TRPC3: variants seen among roughly 807,000 people sequenced by gnomAD.
The protein encoded by TRPC3 is transient receptor potential cation channel subfamily C member 3.
A neutral mutation model predicts 90.9 loss-of-function variants in TRPC3; 54 were observed. The observed-to-expected ratio is 0.59, with a 90% CI of 0.48 to 0.75. The LOEUF is 0.75. Among genes scored for constraint, TRPC3 ranks in the 30% least tolerant of loss-of-function variants. The pLI is 0.00. For missense variants in TRPC3, 918 were observed against 1,194.5 expected (o/e 0.77, Z 3.41); for synonymous variants, 424 against 450.9 (o/e 0.94, Z 0.75).
chr4:121,881,868 G>C (rs1016392739), intron 11 of TRPC3, among the ~76,000 whole-genome samples: 1 of 152,078 alleles, frequency 6.6e-6, no homozygotes, highest in African/African-American at 2.4e-5. Flanking sequence ...TTAAAGTAAG[G>C]AGGCAGGGGG....
intron 1 of TRPC3, among the ~76,000 whole-genome samples, chr4:121,934,810 A>C (rs945049172): frequency 6.6e-6 from 1 of 152,174 alleles, no homozygotes; most frequent in Non-Finnish European, 1.5e-5. Context: ...CTTCTCCCAG[A>C]TAGGGACTAA....
intron 6 of TRPC3, among the ~76,000 whole-genome samples, chr4:121,908,527 C>T (rs967437354): frequency 2.6e-5 from 4 of 152,102 alleles, no homozygotes; most frequent in Admixed American, 6.5e-5. Flanking sequence ...ACATATACTC[C>T]ATGGAATACT....
chr4:121,905,815 G>T (rs1368130788), intron 7 of TRPC3, among the ~76,000 whole-genome samples: 1 of 152,046 alleles, frequency 6.6e-6, no homozygotes, highest in Non-Finnish European at 1.5e-5. Context: ...AGGATGGAGG[G>T]TTGAATAGAA....
At chr4:121,942,849 T>C (rs1730365628) in intron 1 of TRPC3, among the ~76,000 whole-genome samples, 1 of 152,216 alleles carries the variant, frequency 6.6e-6, no homozygotes, top group African/African-American at 2.4e-5. Flanking sequence ...CCCTTAGCCA[T>C]TGCCTGCATG....
chr4:121,926,157 T>A (rs1194397044), intron 2 of TRPC3, among the ~76,000 whole-genome samples: 1 of 152,140 alleles, frequency 6.6e-6, no homozygotes, highest in African/African-American at 2.4e-5. Flanking sequence ...GCAAAAACCA[T>A]AACCTTGCAT....
chr4:121,880,022 T>A, intron 11 of TRPC3, 144 bp from the exon 12 acceptor site: 1 of 670,316 alleles, frequency 1.5e-6, no homozygotes, highest in Non-Finnish European at 2.3e-6. Flanking sequence ...TTAAAATATT[T>A]AAGAAACATC....
At chr4:121,937,088 G>T (rs1235184817) in intron 1 of TRPC3, among the ~76,000 whole-genome samples, 4 of 152,132 alleles carry the variant, frequency 2.6e-5, no homozygotes, top group African/African-American at 9.7e-5. Flanking sequence ...TCCTAACTTT[G>T]CTATCAACTC....
At chr4:121,906,238 G>A (rs566011292) in intron 7 of TRPC3, among the ~76,000 whole-genome samples, 19 of 152,258 alleles carry the variant, frequency 1.2e-4, no homozygotes, top group African/African-American at 4.3e-4. Flanking sequence ...AAACAGCAGA[G>A]ATTGCATTCA....
In TRPC3 at chr4:121,902,977, A is replaced by C; in HGVS notation, c.2338T>G (p.Phe780Val). 6.2e-7 allele frequency: 1 copy of C among 1,613,612 alleles called. No homozygotes were observed. Among genetic ancestry groups the C allele is most frequent in the Non-Finnish European group, 8.5e-7 (1 of 1,179,792 alleles). The change falls in exon 9 of 12, where the codon TTC becomes GTC. Residue 780 changes from phenylalanine to valine, a missense_variant. This residue lies in a region of TRPC3 where 121 missense variants were observed against 135.7 expected (regional missense o/e 0.89). Transcript: ENST00000379645. Reference protein sequence around the residue: ...FDDGKTLPPPFSLVPSPKSFV... With the variant: ...FDDGKTLPPPVSLVPSPKSFV... Reference sequence around the variant, plus strand: ...GATTTTGGACTAGGAACTAGACTGAAAGGTGGAGGTAATGTTTTTCCATCA... The same window carrying C: ...GATTTTGGACTAGGAACTAGACTGACAGGTGGAGGTAATGTTTTTCCATCA...
chr4:121,911,744 T>C, intron 5 of TRPC3, 133 bp downstream of exon 5: 1 of 921,434 alleles, frequency 1.1e-6, no homozygotes, highest in Non-Finnish European at 1.6e-6. Flanking sequence ...GTTATTTTGC[T>C]ATTTAGCTTA....
At chr4:121,948,672 TA>T (rs1349663965) in intron 1 of TRPC3, among the ~76,000 whole-genome samples, 2 of 152,192 alleles carry the variant, frequency 1.3e-5, no homozygotes, top group Non-Finnish European at 2.9e-5. Flanking sequence ...TAATATTCCT[TA>T]AACATGCCTG....
chr4:121,933,757 C>G (rs1730036692), intron 1 of TRPC3, among the ~76,000 whole-genome samples: 2 of 152,276 alleles, frequency 1.3e-5, no homozygotes, highest in South Asian at 4.2e-4. Flanking sequence ...ACTACAGGCA[C>G]ATGCCACTTG....
intron 10 of TRPC3, 25 bp downstream of exon 10, chr4:121,899,587 A>T: frequency 1.3e-6 from 2 of 1,583,106 alleles, no homozygotes; most frequent in Non-Finnish European, 1.7e-6. Context: ...ATAGAGATCA[A>T]GAGATACGTC....
chr4:121,939,969 G>A (rs948045715), intron 1 of TRPC3, among the ~76,000 whole-genome samples: 6 of 152,192 alleles, frequency 3.9e-5, no homozygotes, highest in Non-Finnish European at 7.3e-5. Flanking sequence ...GGTAGTTCCC[G>A]AGAGCCTGAG....
At position 121,932,303 on chromosome 4, in the gene TRPC3, C is replaced by T. The variant is rs1034094432; in HGVS notation, c.955G>A (p.Ala319Thr). Residue 319 changes from alanine to threonine, a missense_variant, in exon 2 of 12, where the codon GCC becomes ACC. Physicochemically the swap from Ala to Thr is moderately conservative, Grantham distance 58. Coordinates refer to ENST00000379645, the MANE Select transcript of TRPC3 (RefSeq NM_001130698.2). This position sits in a 1 kb window ranked among gnomAD's most constrained non-coding sequence, Gnocchi z 7.7. ...LTALELSNEL[A>T]KLANIEKEFK... ...TCCTTCTCTATGTTGGCCAGCTTGG[C>T]CAGCTCGTTGCTGAGCTCTAGGGCC... 1.8e-5 allele frequency: 29 copies of T among 1,614,036 alleles called. No individual in the cohort carries two copies. The highest frequency in any genetic ancestry group is 2.3e-5 in the Non-Finnish European group (27 of 1,180,028).
At chr4:121,894,969 T>A (rs759202507) in intron 10 of TRPC3, among the ~76,000 whole-genome samples, 19 of 152,258 alleles carry the variant, frequency 1.2e-4, no homozygotes, top group Non-Finnish European at 2.8e-4. Context: ...AAGTATTTTA[T>A]CTGACCACAA....
intron 10 of TRPC3, among the ~76,000 whole-genome samples, chr4:121,895,201 C>T (rs532738687): frequency 4.6e-5 from 7 of 151,834 alleles, no homozygotes; most frequent in Admixed American, 1.3e-4. Context: ...TAAATGCCTA[C>T]ATCCATCAAA....
In TRPC3 at chr4:121,875,249, A is replaced by C. The variant is rs1727732315; in HGVS notation, c.*4487T>G. ...AAGTAAAAGTTTATTTTGAAGCTCA[A>C]ATTTATTTTAAAACAGTGAAATGAG... On this transcript the variant is annotated 3_prime_UTR_variant, in exon 12 of 12. Transcript: ENST00000379645. Among the ~76,000 whole-genome samples, 1 of 152,184 alleles carries C rather than the reference A, an allele frequency of 6.6e-6. No homozygotes were observed. The highest frequency in any genetic ancestry group is 6.5e-5 in the Admixed American group (1 of 15,276).
rs1729018725 is a variant in TRPC3 at position 121,909,754 on chromosome 4, T to A, written c.1792+400A>T. 2.6e-5 allele frequency among the ~76,000 whole-genome samples: 4 copies of A among 152,270 alleles called. No homozygotes were observed. In the South Asian group the frequency reaches 8.3e-4, roughly 32 times the overall value. The stretch of plus-strand genomic sequence containing the variant: ...TTTGCCTGCAGAGCAGTTTGGCAAC[T>A]TTTATTATCTTATCTCCTTGAACCC... On this transcript the variant is annotated intron_variant, in intron 6 of 11. Coordinates refer to ENST00000379645, the MANE Select transcript of TRPC3 (RefSeq NM_001130698.2).
Sources: gnomAD v4.1 joint callset for allele counts (sites outside exome capture counted in the v4.1 genomes callset) on GRCh38, gnomAD v4.1.1 for gene constraint, gnomAD v4.1.1 regional missense constraint, Gnocchi (gnomAD v3.1) non-coding constraint, MANE v1.5 for transcripts, NCBI Gene and HGNC (gene_info 2026-07-23, HGNC 2026-07-21) for gene names.